WDR33: variants seen among roughly 807,000 people sequenced by gnomAD.
WDR33 encodes the protein pre-mRNA 3' end processing protein WDR33.
WDR33 carries 47 observed loss-of-function variants against 164.9 expected under a neutral mutation model. That is an observed-to-expected ratio of 0.29 (90% confidence interval 0.23 to 0.36). The LOEUF is 0.36. Ranked by LOEUF, WDR33 falls within the 10% of genes least tolerant of loss-of-function variation. The probability of loss-of-function intolerance (pLI) is 1.00; values close to 1 mark genes in which losing one functional copy is unlikely to be tolerated. For missense variants in WDR33, 1,137 were observed against 1,754.1 expected (o/e 0.65, Z 6.28); for synonymous variants, 505 against 589.0 (o/e 0.86, Z 2.06).
At chr2:127,750,703 T>TGTATGC (rs1164311388) in intron 7 of WDR33, among the ~76,000 whole-genome samples, 2 of 56,678 alleles carry the variant, frequency 3.5e-5, no homozygotes, top group African/African-American at 2.4e-4. Flanking sequence ...TATATATATA[T>TGTATGC]ATATATATAT....
intron 1 of WDR33, among the ~76,000 whole-genome samples, chr2:127,804,891 A>C (rs1369674417): frequency 6.6e-6 from 1 of 152,192 alleles, no homozygotes; most frequent in East Asian, 1.9e-4. Context: ...GTATAACTGC[A>C]AAGGGAAAAA....
rs1329376458 is a variant in WDR33 at position 127,763,470 on chromosome 2, C to T, written c.627-311G>A. The T allele has an allele frequency of 9.1e-7, 1 of 1,098,348 alleles. No individual in the cohort carries two copies. 68.0% of individuals were successfully genotyped at this position (1,098,348 alleles called of 1,614,324 possible). A position where few individuals can be genotyped will look rare whatever the true frequency, so the allele number is the denominator to read the frequency against. On this transcript the variant is annotated intron_variant, in intron 6 of 21. Coordinates refer to ENST00000322313, the MANE Select transcript of WDR33 (RefSeq NM_018383.5). The surrounding 1 kb of genome is among the most constrained non-coding windows in gnomAD (Gnocchi z 4.5). Reference sequence around the variant, plus strand: ...ATACGAGGAAATCACATGAAGCTGCCTTAAGTGGTGAAAATAAATGGATTC... The same window carrying T: ...ATACGAGGAAATCACATGAAGCTGCTTTAAGTGGTGAAAATAAATGGATTC...
At chr2:127,737,986 T>C (rs776835359) in intron 7 of WDR33, 2 of 1,610,720 alleles carry the variant, frequency 1.2e-6, no homozygotes, top group Non-Finnish European at 1.7e-6. Flanking sequence ...CTCCCTAAAC[T>C]TTGTCCACCT....
chr2:127,749,272 T>C (rs1014205237), intron 7 of WDR33, among the ~76,000 whole-genome samples: 4 of 152,174 alleles, frequency 2.6e-5, no homozygotes, highest in Non-Finnish European at 5.9e-5. Flanking sequence ...CAGTTGAGGC[T>C]CCAGTGAGTT....
chr2:127,749,668 A>C (rs1055287127), intron 7 of WDR33, among the ~76,000 whole-genome samples: 25 of 151,886 alleles, frequency 1.6e-4, no homozygotes, highest in Middle Eastern at 6.8e-3. Flanking sequence ...CCTCAAAAAA[A>C]AAAAAAAAAA....
At chr2:127,761,371 T>A (rs1199389682) in intron 7 of WDR33, among the ~76,000 whole-genome samples, 1 of 152,070 alleles carries the variant, frequency 6.6e-6, no homozygotes, top group Non-Finnish European at 1.5e-5. Context: ...CAGCTAATTT[T>A]TTGTATTTTC....
chr2:127,724,460 G>A lies in WDR33; in HGVS notation c.1086-17C>T, dbSNP rs1462968220. Reference sequence around the variant, plus strand: ...TTCTCTACCCTGCAACAGCACCAAAGAGAGAAGATTTGTTCACAAAAGTTA... The same window carrying A: ...TTCTCTACCCTGCAACAGCACCAAAAAGAGAAGATTTGTTCACAAAAGTTA... On this transcript the variant is annotated splice_polypyrimidine_tract_variant and intron_variant, in intron 10 of 21. Coordinates refer to ENST00000322313, the MANE Select transcript of WDR33 (RefSeq NM_018383.5). The surrounding 1 kb of genome is among the most constrained non-coding windows in gnomAD (Gnocchi z 4.8). The A allele has an allele frequency of 3.1e-6, 5 of 1,606,292 alleles. No homozygotes were observed. Among genetic ancestry groups the A allele is most frequent in the South Asian group, 2.2e-5 (2 of 90,566 alleles).
At chr2:127,780,074 C>T (rs972008134) in intron 1 of WDR33, among the ~76,000 whole-genome samples, 6 of 151,004 alleles carry the variant, frequency 4.0e-5, no homozygotes, top group Admixed American at 2.6e-4. Context: ...CCCGGGTTCA[C>T]GCCATTCTCC....
intron 9 of WDR33, 40 bp downstream of exon 9, chr2:127,725,021 G>A (rs1185490100): frequency 8.1e-6 from 13 of 1,613,968 alleles, no homozygotes; most frequent in Non-Finnish European, 1.1e-5. Context: ...GAATGTTACA[G>A]GTAACAGTGG....
At chr2:127,774,048 C>CTTTTT (rs776082351) in intron 1 of WDR33, among the ~76,000 whole-genome samples, 11 of 110,780 alleles carry the variant, frequency 9.9e-5, no homozygotes, top group African/African-American at 4.0e-4. Flanking sequence ...GCCCAAAAGC[C>CTTTTT]TTTTTTTTTT....
In WDR33 at chr2:127,722,847, TCAA is replaced by T. The variant is rs1686472849; in HGVS notation, c.1378+108_1378+110del. 7.2e-7 allele frequency: 1 copy of T among 1,381,536 alleles called. No individual in the cohort carries two copies. Among genetic ancestry groups the T allele is most frequent in the Non-Finnish European group, 9.8e-7 (1 of 1,021,144 alleles). The allele number at this position is 1,381,536 out of a possible 1,614,324, so 85.6% of individuals were successfully genotyped here. A position where few individuals can be genotyped will look rare whatever the true frequency, so the allele number is the denominator to read the frequency against. ...TATTATGTCATTTATATAATTTTTA[TCAA>T]CATTTCTCAACATAAATCATTTTGG... On this transcript the variant is annotated intron_variant, in intron 13 of 21. Transcript: ENST00000322313. This position sits in a 1 kb window ranked among gnomAD's most constrained non-coding sequence, Gnocchi z 5.1.
At position 127,752,276 on chromosome 2, in the gene WDR33, TA is replaced by T. The variant is rs1432276392; in HGVS notation, c.724+10785del. On this transcript the variant is annotated intron_variant, in intron 7 of 21. Coordinates refer to ENST00000322313, the MANE Select transcript of WDR33 (RefSeq NM_018383.5). ...AACCTGTTCTTACCCCCCAAAAAAC[TA>T]AATGCTGTCCTGATGAAACAGTCTA... Among the ~76,000 whole-genome samples, 5 of 152,206 alleles carry T rather than the reference TA, an allele frequency of 3.3e-5. No individual in the cohort carries two copies. The East Asian group carries it at 9.6e-4, about 29-fold the overall frequency.
intron 7 of WDR33, among the ~76,000 whole-genome samples, chr2:127,746,568 G>A (rs1245059784): frequency 6.6e-6 from 1 of 152,218 alleles, no homozygotes; most frequent in Non-Finnish European, 1.5e-5. Context: ...GGTATCATTA[G>A]CTCTCCTTTA....
rs1687120259 is a variant in WDR33, at chr2:127,744,830, T to C, written c.725-18053A>G. ...GAATACACCTTCATCCTGCACTTCA[T>C]ATTTTTTCAAGATATTGTAAACCTA... On this transcript the variant is annotated intron_variant, in intron 7 of 21. Transcript: ENST00000322313. 2.0e-5 allele frequency among the ~76,000 whole-genome samples: 3 copies of C among 152,206 alleles called. No individual in the cohort carries two copies. The South Asian group carries it at 6.2e-4, about 31-fold the overall frequency.
intron 1 of WDR33, among the ~76,000 whole-genome samples, chr2:127,806,719 A>C (rs1270524322): frequency 6.6e-6 from 1 of 151,162 alleles, no homozygotes; most frequent in Non-Finnish European, 1.5e-5. Flanking sequence ...GATGATGCTA[A>C]AGATTTCATG....
Position 127,709,342 on chromosome 2 carries a change from G to A in WDR33, c.3565+148C>T, listed in dbSNP as rs1020981999. 1 of 723,404 alleles carries A rather than the reference G, an allele frequency of 1.4e-6. No individual in the cohort carries two copies. Among genetic ancestry groups the A allele is most frequent in the African/African-American group, 1.8e-5 (1 of 57,066 alleles). The allele number at this position is 723,404 out of a possible 1,614,324, so 44.8% of individuals were successfully genotyped here. A position where few individuals can be genotyped will look rare whatever the true frequency, so the allele number is the denominator to read the frequency against. ...TCTGCATTCCACCTGCTGAGATCAA[G>A]TGCTGCGGCTGCAGGACAGGAGACA... On this transcript the variant is annotated intron_variant, in intron 20 of 21. Transcript: ENST00000322313. This position sits in a 1 kb window ranked among gnomAD's most constrained non-coding sequence, Gnocchi z 5.0.
Position 127,706,394 on chromosome 2 carries a change from C to A in WDR33, c.3940G>T (p.Gly1314Cys), listed in dbSNP as rs1241208463. 6.2e-7 allele frequency: 1 copy of A among 1,613,342 alleles called. No individual in the cohort carries two copies. Among genetic ancestry groups the A allele is most frequent in the South Asian group, 1.1e-5 (1 of 90,884 alleles). Residue 1314 changes from glycine (G) to cysteine (C), a missense_variant, in exon 22 of 22, where the codon GGT becomes TGT. Gly to Cys is a radical substitution (Grantham distance 159). Coordinates refer to ENST00000322313, the MANE Select transcript of WDR33 (RefSeq NM_018383.5). The surrounding 1 kb of genome is among the most constrained non-coding windows in gnomAD (Gnocchi z 5.1). The stretch of plus-strand genomic sequence containing the variant: ...CCAGAGTTCATGTTACTCCCTCTAC[C>A]CCAGTTACTGCCACTCCGGCCCCCT... ...SRGGRSGSNW[G>C]RGSNMNSGPP...
chr2:127,725,444 A>G (rs966864848), intron 8 of WDR33, among the ~76,000 whole-genome samples: 47 of 152,180 alleles, frequency 3.1e-4, no homozygotes, highest in Admixed American at 1.3e-4. Context: ...ACCAGTTAAA[A>G]AAGCAGCAGA....
In WDR33 at chr2:127,768,349, C is replaced by A. The variant is rs1016231786; in HGVS notation, c.274-56G>T. The A allele has an allele frequency of 1.7e-5, 18 of 1,037,038 alleles. No individual in the cohort carries two copies. The East Asian group carries it at 4.8e-4, about 28-fold the overall frequency. 64.2% of individuals were successfully genotyped at this position (1,037,038 alleles called of 1,614,324 possible). A position where few individuals can be genotyped will look rare whatever the true frequency, so the allele number is the denominator to read the frequency against. ...CTCCTGATTACATACAAGGCAGAAA[C>A]CAGAAACACGGCAAGGTAATTATTT... On this transcript the variant is annotated intron_variant, in intron 3 of 21. Transcript: ENST00000322313.
Sources: gnomAD v4.1 joint callset for allele counts (sites outside exome capture counted in the v4.1 genomes callset) on GRCh38, gnomAD v4.1.1 for gene constraint, Gnocchi (gnomAD v3.1) non-coding constraint, MANE v1.5 for transcripts, NCBI Gene and HGNC (gene_info 2026-07-23, HGNC 2026-07-21) for gene names.